The following GCC2 variants were observed in gnomAD, a reference collection of about 807,000 sequenced individuals.
The protein encoded by GCC2 is GRIP and coiled-coil domain containing 2.
GCC2 carries 120 observed loss-of-function variants against 210.6 expected under a neutral mutation model. The observed-to-expected ratio is 0.57, with a 90% CI of 0.49 to 0.66. The LOEUF (loss-of-function observed/expected upper bound fraction) is 0.66, where lower values mean the gene tolerates loss of function less well. Among genes scored for constraint, GCC2 ranks in the 30% least tolerant of loss-of-function variants. The pLI is 0.00. For synonymous variants in GCC2, 703 were observed against 652.7 expected (o/e 1.08, Z -1.17); for missense variants, 1,868 against 1,871.9 (o/e 1.00, Z 0.04).
Position 108,469,042 on chromosome 2 carries a change from T to C in GCC2, c.279T>C (p.Leu93=). Residue 93 remains leucine (L), a synonymous_variant, in exon 5 of 23, where the codon CTT becomes CTC. Coordinates refer to ENST00000309863, the MANE Select transcript of GCC2 (RefSeq NM_181453.4). ...AAGCAGAGACTGAGCAACAGTGTCT[T>C]TCTCTGAAAAAGGAAAATATAAAAA... ...LEKAETEQQC[L]SLKKENIKMK... The C allele has an allele frequency of 6.2e-7, 1 of 1,612,864 alleles. No homozygotes were observed. The highest frequency in any genetic ancestry group is 8.5e-7 in the Non-Finnish European group (1 of 1,178,992).
chr2:108,475,827 A>G lies in GCC2; in HGVS notation c.3037A>G (p.Ile1013Val), dbSNP rs766603690. 4 of 1,583,462 alleles carry G rather than the reference A, an allele frequency of 2.5e-6. No individual in the cohort carries two copies. Among genetic ancestry groups the G allele is most frequent in the Non-Finnish European group, 3.4e-6 (4 of 1,162,310 alleles). The change falls in exon 9 of 23, where the codon ATT (isoleucine) becomes GTT (valine). Residue 1013 changes from isoleucine (I) to valine (V), a missense_variant. Transcript: ENST00000309863. ...GTTATCTGCTTCCATGAGAGATCTC[A>G]TTCAAGGAGCAGAAAGCTATAAGGT... The part of the protein sequence containing the change: ...DQLSASMRDL[I>V]QGAESYKNLL...
rs370316650 is a variant in GCC2 at position 108,492,620 on chromosome 2, C to A, written c.4277C>A (p.Thr1426Lys). The A allele has an allele frequency of 1.9e-6, 3 of 1,613,544 alleles. No individual in the cohort carries two copies. The highest frequency in any genetic ancestry group is 2.7e-5 in the African/African-American group (2 of 74,900). The change falls in exon 19 of 23, where the codon ACA becomes AAA. Residue 1426 changes from threonine to lysine, a missense_variant. Thr to Lys is a moderately conservative substitution (Grantham distance 78). Coordinates refer to ENST00000309863, the MANE Select transcript of GCC2 (RefSeq NM_181453.4). Reference sequence around the variant, plus strand: ...AACATGATGATGAAATCTGAACATACACAGACTGTGAGTCAGCTAACATCC... The same window carrying A: ...AACATGATGATGAAATCTGAACATAAACAGACTGTGAGTCAGCTAACATCC... ...SENMMMKSEHTQTVSQLTSQN... is the reference protein window; with the variant it reads ...SENMMMKSEHKQTVSQLTSQN...
chr2:108,486,403 G>A, intron 15 of GCC2, 108 bp from the exon 16 acceptor site: 2 of 952,312 alleles, frequency 2.1e-6, no homozygotes, highest in East Asian at 4.8e-5. Context: ...ACTTAATTAT[G>A]CCTTATATGT....
At chr2:108,486,866 T>G (rs1201584665) in intron 16 of GCC2, among the ~76,000 whole-genome samples, 2 of 152,262 alleles carry the variant, frequency 1.3e-5, no homozygotes, top group African/African-American at 4.8e-5. Flanking sequence ...AACATGATGT[T>G]TTTTCCATTT....
In GCC2 at chr2:108,471,107, C is replaced by G. The variant is rs61733788; in HGVS notation, c.1778C>G (p.Thr593Ser). ...KELEGKINSL[T>S]EEKDDFINKL... ...TTAGAAGGAAAGATAAATTCTCTTA[C>G]TGAGGAAAAAGATGATTTTATAAAT... The change falls in exon 6 of 23, where the codon ACT (threonine) becomes AGT (serine). Residue 593 changes from threonine (T) to serine (S), a missense_variant. Physicochemically the swap from Thr to Ser is moderately conservative, Grantham distance 58. Coordinates refer to ENST00000309863, the MANE Select transcript of GCC2 (RefSeq NM_181453.4). 0.012 allele frequency: 18,813 copies of G among 1,581,574 alleles called. 151 individuals carry two copies. Among genetic ancestry groups the G allele is most frequent in the Non-Finnish European group, 0.014 (16,332 of 1,154,484 alleles).
intron 17 of GCC2, 138 bp downstream of exon 17, chr2:108,487,958 G>A: frequency 3.8e-6 from 3 of 798,710 alleles, no homozygotes; most frequent in Non-Finnish European, 5.6e-6. Context: ...CCAGGCTGGA[G>A]TGCAGTGGTG....
rs190249480 is a variant in GCC2 at position 108,451,571 on chromosome 2, T to G, written c.148+459T>G. Among the ~76,000 whole-genome samples the G allele has an allele frequency of 2.1e-3, 319 of 151,054 alleles. 3 individuals carry two copies. The highest frequency in any genetic ancestry group is 7.3e-3 in the African/African-American group (304 of 41,474). ...AAGTTGATTGATTCCCTATTCAGTT[T>G]TCTTTTTATTCCAGAAGGAAAAAGA... On this transcript the variant is annotated intron_variant, in intron 3 of 22. Coordinates refer to ENST00000309863, the MANE Select transcript of GCC2 (RefSeq NM_181453.4).
rs1395723889 is a variant in GCC2, at chr2:108,449,281, G to A, written c.6+1G>A. 2.4e-5 allele frequency: 37 copies of A among 1,549,674 alleles called. No homozygotes were observed. Among genetic ancestry groups the A allele is most frequent in the Admixed American group, 5.9e-5 (3 of 50,882 alleles). On this transcript the variant is annotated splice_donor_variant, in intron 1 of 22. Transcript: ENST00000309863. LOFTEE classifies it high-confidence loss of function. ...CGGCGGCGGGCTGGCGGAGATGGAG[G>A]TAACTCAGGTCGGGCCCACTGCCTC...
At chr2:108,476,309 C>T (rs1681522427) in intron 9 of GCC2, among the ~76,000 whole-genome samples, 1 of 152,048 alleles carries the variant, frequency 6.6e-6, no homozygotes, top group Non-Finnish European at 1.5e-5. Context: ...CCACCTACCT[C>T]GGCCTCCCAA....
chr2:108,453,668 C>G (rs1013393114), intron 4 of GCC2, among the ~76,000 whole-genome samples: 1 of 151,902 alleles, frequency 6.6e-6, no homozygotes, highest in Non-Finnish European at 1.5e-5. Context: ...ACCTGAAATC[C>G]CAACTACTCA....
At chr2:108,484,736 T>G (rs971964766) in intron 13 of GCC2, 1 of 153,040 alleles carries the variant, frequency 6.5e-6, no homozygotes, top group Admixed American at 6.5e-5. Context: ...GTTGTAGGTA[T>G]GCGGCGTTAT....
chr2:108,455,855 G>C (rs1680248167), intron 4 of GCC2, among the ~76,000 whole-genome samples: 1 of 152,106 alleles, frequency 6.6e-6, no homozygotes, highest in South Asian at 2.1e-4. Flanking sequence ...ATTTGCTATT[G>C]TGAGTAGTGC....
intron 9 of GCC2, among the ~76,000 whole-genome samples, chr2:108,478,227 A>G (rs1028668881): frequency 1.9e-5 from 2 of 104,670 alleles, no homozygotes; most frequent in Admixed American, 8.3e-5. Context: ...GTATATAAAC[A>G]TACTAATTCT....
intron 22 of GCC2, among the ~76,000 whole-genome samples, chr2:108,505,668 T>C (rs981228224): frequency 4.6e-5 from 7 of 151,826 alleles, no homozygotes; most frequent in Admixed American, 6.6e-5. Context: ...CCACATAAGT[T>C]TGGAAGTAGA....
At chr2:108,506,523 C>T (rs1243626704) in intron 22 of GCC2, among the ~76,000 whole-genome samples, 3 of 152,156 alleles carry the variant, frequency 2.0e-5, no homozygotes, top group Admixed American at 1.3e-4. Flanking sequence ...GGTGGTGGTA[C>T]GTAACTGTGC....
chr2:108,461,350 G>GGACT (rs1680559113), intron 4 of GCC2, among the ~76,000 whole-genome samples: 2 of 151,750 alleles, frequency 1.3e-5, no homozygotes. Context: ...TTATGGCAGT[G>GGACT]GACTATAAAT....
At position 108,498,183 on chromosome 2, in the gene GCC2, C is replaced by CTTTTTTTTTT. The variant is rs3084885; in HGVS notation, c.4782+1095_4782+1104dup. ...ATGACTTATTTAAATGTTATATTTT[C>CTTTTTTTTTT]TTTTTTTTTTTTTTTTTTTTTTTTT... is the stretch of plus-strand genomic sequence containing the variant. On this transcript the variant is annotated intron_variant, in intron 21 of 22. Transcript: ENST00000309863. Among the ~76,000 whole-genome samples, 34 of 57,482 alleles carry CTTTTTTTTTT rather than the reference C, an allele frequency of 5.9e-4. 6 individuals are homozygous for CTTTTTTTTTT. Among genetic ancestry groups the CTTTTTTTTTT allele is most frequent in the South Asian group, 7.6e-4 (1 of 1,324 alleles). The allele number at this position is 57,482 out of a possible 152,430, so 37.7% of individuals were successfully genotyped here. A position where few individuals can be genotyped will look rare whatever the true frequency, so the allele number is the denominator to read the frequency against.
intron 22 of GCC2, among the ~76,000 whole-genome samples, chr2:108,502,923 CAA>C (rs34464118): frequency 1.6e-3 from 183 of 116,104 alleles, no homozygotes; most frequent in South Asian, 3.3e-3. Flanking sequence ...AACCCTGTCT[CAA>C]AAAAAAAAAA....
chr2:108,452,601 C>G, intron 4 of GCC2, 135 bp downstream of exon 4: 1 of 637,944 alleles, frequency 1.6e-6, no homozygotes, highest in Non-Finnish European at 2.8e-6. Context: ...ATCTGATTCA[C>G]TGTAAAAAGA....
Sources: allele counts gnomAD v4.1 joint callset (sites outside exome capture counted in the v4.1 genomes callset), GRCh38; gene constraint gnomAD v4.1.1; transcripts MANE v1.5; gene names NCBI Gene and HGNC (gene_info 2026-07-23, HGNC 2026-07-21).